Variants in GUCY1B1 observed in about 807,000 individuals in gnomAD.
The protein encoded by GUCY1B1 is guanylate cyclase soluble subunit beta-1.
Under a neutral mutation model 71.0 loss-of-function variants are expected in GUCY1B1, and 43 were observed. That is an observed-to-expected ratio of 0.61 (90% CI 0.47 to 0.78). GUCY1B1 has a LOEUF of 0.78. GUCY1B1 is among the 30% of genes least tolerant of loss of function. The pLI is 0.00. For missense variants in GUCY1B1, 535 were observed against 754.1 expected (o/e 0.71, Z 3.40); for synonymous variants, 266 against 259.7 (o/e 1.02, Z -0.23).
At position 155,795,350 on chromosome 4, in the gene GUCY1B1, G is replaced by A; in HGVS notation, c.736G>A (p.Gly246Arg). Residue 246 changes from glycine to arginine, a missense_variant, in exon 7 of 14, where the codon GGG (glycine) becomes AGG (arginine). Transcript: ENST00000264424. Reference sequence around the variant, plus strand: ...TCTATCTATATTTTAGCTCCAGCCTGGGAATTGCAGCCTTCTGTCTGTCTT... The same window carrying A: ...TCTATCTATATTTTAGCTCCAGCCTAGGAATTGCAGCCTTCTGTCTGTCTT... Reference protein sequence around the residue: ...IYRVLPQLQPGNCSLLSVFSL... With the variant: ...IYRVLPQLQPRNCSLLSVFSL... The A allele has an allele frequency of 6.3e-7, 1 of 1,589,620 alleles. No homozygotes were observed.
At chr4:155,785,297 C>A in intron 4 of GUCY1B1, 1 of 1,473,380 alleles carries the variant, frequency 6.8e-7, no homozygotes, top group Non-Finnish European at 9.2e-7. Context: ...AGATTTACAT[C>A]ATTGTTTCCT....
chr4:155,804,680 A>G lies in GUCY1B1; in HGVS notation c.1642A>G (p.Asn548Asp). ...ATACTGTCTTTTTGGGAATACTGTC[A>G]ACCTCACAAGCCGAACAGAAACCAC... ...PRYCLFGNTV[N>D]LTSRTETTGE... The change falls in exon 12 of 14, where the codon AAC becomes GAC. Residue 548 changes from asparagine to aspartate, a missense_variant. By Grantham distance (23) the Asn-to-Asp change is conservative. Transcript: ENST00000264424. 6.2e-7 allele frequency: 1 copy of G among 1,613,424 alleles called. No individual in the cohort carries two copies. Among genetic ancestry groups the G allele is most frequent in the Admixed American group, 1.7e-5 (1 of 59,958 alleles).
Position 155,759,050 on chromosome 4 carries a change from G to A in GUCY1B1, c.-91G>A. On this transcript the variant is annotated 5_prime_UTR_variant, in exon 1 of 14. Coordinates refer to ENST00000264424, the MANE Select transcript of GUCY1B1 (RefSeq NM_000857.5). ...CAGCTCGATGCTGCCTCCCCGGCCC[G>A]GTTGCGCTGTAGCCGCTGCCGCCTC... The A allele has an allele frequency of 7.3e-7, 1 of 1,366,684 alleles. No homozygotes were observed. The highest frequency in any genetic ancestry group is 1.0e-6 in the Non-Finnish European group (1 of 983,186). 84.7% of individuals were successfully genotyped at this position (1,366,684 alleles called of 1,614,324 possible).
intron 2 of GUCY1B1, among the ~76,000 whole-genome samples, chr4:155,769,811 A>C (rs1445148363): frequency 6.6e-6 from 1 of 152,090 alleles, no homozygotes; most frequent in Non-Finnish European, 1.5e-5. Flanking sequence ...CTCACATGTA[A>C]AATAAGTACA....
chr4:155,795,405 G>A lies in GUCY1B1; in HGVS notation c.791G>A (p.Ser264Asn). The A allele has an allele frequency of 6.2e-7, 1 of 1,607,488 alleles. No individual in the cohort carries two copies. The highest frequency in any genetic ancestry group is 1.1e-5 in the South Asian group (1 of 90,812). ...CTGGTTCGTCCTCATATTGATATTA[G>A]TTTCCATGGGATCCTTTCTCACATC... Reference protein sequence around the residue: ...FSLVRPHIDISFHGILSHINT... With the variant: ...FSLVRPHIDINFHGILSHINT... The change falls in exon 7 of 14, where the codon AGT becomes AAT. Residue 264 changes from serine (S) to asparagine (N), a missense_variant. By Grantham distance (46) the Ser-to-Asn change is conservative (BLOSUM62 1). Transcript: ENST00000264424.
intron 4 of GUCY1B1, among the ~76,000 whole-genome samples, chr4:155,781,307 G>A (rs1391704200): frequency 6.6e-6 from 1 of 152,136 alleles, no homozygotes; most frequent in Non-Finnish European, 1.5e-5. Flanking sequence ...ATACTGTATA[G>A]ATAATATCTG....
intron 13 of GUCY1B1, 61 bp downstream of exon 13, chr4:155,805,290 A>G: frequency 7.5e-7 from 1 of 1,328,194 alleles, no homozygotes; most frequent in Non-Finnish European, 1.0e-6. Context: ...GGAAAACTAA[A>G]GCAAAATCAC....
At chr4:155,796,585 AT>A (rs1739574024) in intron 8 of GUCY1B1, 75 bp downstream of exon 8, 1 of 950,848 alleles carries the variant, frequency 1.1e-6, no homozygotes, top group Non-Finnish European at 1.6e-6. Flanking sequence ...ACAATATTTT[AT>A]TCCATTAAAT....
At chr4:155,759,232 G>C (rs1560994345) in intron 1 of GUCY1B1, 89 bp downstream of exon 1, 2 of 1,348,868 alleles carry the variant, frequency 1.5e-6, no homozygotes, top group Non-Finnish European at 1.0e-6. Context: ...CCGGAGCTTG[G>C]CTCGGGGGCC....
At chr4:155,769,608 T>C (rs1476667795) in intron 2 of GUCY1B1, among the ~76,000 whole-genome samples, 2 of 152,124 alleles carry the variant, frequency 1.3e-5, no homozygotes, top group South Asian at 2.1e-4. Flanking sequence ...TAATACAAAC[T>C]AGGAGGCATG....
chr4:155,766,320 A>T (rs6850835), intron 2 of GUCY1B1, among the ~76,000 whole-genome samples: 35,862 of 152,034 alleles, frequency 0.24, 4,566 homozygotes, highest in African/African-American at 0.32. Context: ...GACAAATAAA[A>T]GTTATATATA....
intron 5 of GUCY1B1, among the ~76,000 whole-genome samples, chr4:155,791,383 G>A (rs190361510): frequency 0.015 from 2,253 of 148,856 alleles, 32 homozygotes; most frequent in South Asian, 0.048. Context: ...CCAAAGTGCT[G>A]GGATTACAGG....
At chr4:155,792,523 G>A (rs944509256) in intron 5 of GUCY1B1, among the ~76,000 whole-genome samples, 2 of 151,914 alleles carry the variant, frequency 1.3e-5, no homozygotes, top group Admixed American at 6.6e-5. Flanking sequence ...TTCTGACAGT[G>A]AGGTAGTAAC....
At position 155,770,171 on chromosome 4, in the gene GUCY1B1, C is replaced by G. The variant is rs143327888; in HGVS notation, c.78-4797C>G. On this transcript the variant is annotated intron_variant, in intron 2 of 13. Coordinates refer to ENST00000264424, the MANE Select transcript of GUCY1B1 (RefSeq NM_000857.5). Reference sequence around the variant, plus strand: ...GAATTATGTAAATTGTTTATGTAATCTGAATATTAGCTTACTTCCTAACTT... The same window carrying G: ...GAATTATGTAAATTGTTTATGTAATGTGAATATTAGCTTACTTCCTAACTT... Among the ~76,000 whole-genome samples the G allele has an allele frequency of 3.1e-3, 474 of 152,196 alleles. 3 individuals carry two copies. Among genetic ancestry groups the G allele is most frequent in the African/African-American group, 0.011 (438 of 41,532 alleles).
chr4:155,774,855 A>C lies in GUCY1B1; in HGVS notation c.78-113A>C. ...ATGTTTAAACAAATTTGCCCAAAAA[A>C]ACCAAATTCTATTTCAGAGATAAAG... On this transcript the variant is annotated intron_variant, in intron 2 of 13. Coordinates refer to ENST00000264424, the MANE Select transcript of GUCY1B1 (RefSeq NM_000857.5). 3 of 703,588 alleles carry C rather than the reference A, an allele frequency of 4.3e-6. No homozygotes were observed. The Admixed American group carries it at 7.7e-5, about 18-fold the overall frequency. The allele number at this position is 703,588 out of a possible 1,614,324, so 43.6% of individuals were successfully genotyped here. A position where few individuals can be genotyped will look rare whatever the true frequency, so the allele number is the denominator to read the frequency against.
At chr4:155,792,384 T>A (rs959641562) in intron 5 of GUCY1B1, among the ~76,000 whole-genome samples, 1 of 152,174 alleles carries the variant, frequency 6.6e-6, no homozygotes, top group African/African-American at 2.4e-5. Flanking sequence ...GAGTAGAACA[T>A]CAAAAGTAGG....
At chr4:155,796,005 C>T (rs775666453) in intron 7 of GUCY1B1, among the ~76,000 whole-genome samples, 2 of 152,150 alleles carry the variant, frequency 1.3e-5, no homozygotes, top group Non-Finnish European at 2.9e-5. Flanking sequence ...TGACTGTTTG[C>T]AGCTGCTCTA....
intron 5 of GUCY1B1, among the ~76,000 whole-genome samples, chr4:155,792,774 C>A (rs1441581286): frequency 6.6e-6 from 1 of 152,054 alleles, no homozygotes; most frequent in East Asian, 1.9e-4. Flanking sequence ...TAAGAGGGCT[C>A]ATTGCTTGCA....
At chr4:155,777,733 A>G in intron 4 of GUCY1B1, 91 bp downstream of exon 4, 2 of 647,794 alleles carry the variant, frequency 3.1e-6, no homozygotes, top group East Asian at 2.6e-5. Context: ...CAGCTGTACA[A>G]GAGTGTCTTG....
Sources: allele counts gnomAD v4.1 joint callset (sites outside exome capture counted in the v4.1 genomes callset), GRCh38; gene constraint gnomAD v4.1.1; transcripts MANE v1.5; gene names NCBI Gene and HGNC (gene_info 2026-07-23, HGNC 2026-07-21).